Variants in TTC29 observed in about 807,000 individuals in gnomAD.
TTC29 encodes tetratricopeptide repeat domain 29.
A neutral mutation model predicts 58.1 loss-of-function variants in TTC29; 49 were observed. The ratio of observed to expected loss-of-function variants is 0.84; its 90% CI spans 0.67 to 1.07. TTC29 has a LOEUF of 1.07. Among genes scored for constraint, TTC29 ranks in the 50% least tolerant of loss-of-function variants. The pLI is 0.00. For missense variants in TTC29, 582 were observed against 555.6 expected (o/e 1.05, Z -0.48); for synonymous variants, 209 against 196.8 (o/e 1.06, Z -0.52).
chr4:146,749,017 T>C (rs1335111022), intron 11 of TTC29, among the ~76,000 whole-genome samples: 1 of 152,166 alleles, frequency 6.6e-6, no homozygotes, highest in East Asian at 1.9e-4. Context: ...GAATGTGAAA[T>C]TCAACAGAGA....
At chr4:146,729,943 G>A (rs542919124) in intron 11 of TTC29, among the ~76,000 whole-genome samples, 3 of 151,990 alleles carry the variant, frequency 2.0e-5, no homozygotes, top group Non-Finnish European at 4.4e-5. Context: ...TGAGATTTGG[G>A]TGGGGACACA....
intron 11 of TTC29, among the ~76,000 whole-genome samples, chr4:146,739,245 T>A (rs1744941163): frequency 6.6e-6 from 1 of 152,188 alleles, no homozygotes; most frequent in Non-Finnish European, 1.5e-5. Context: ...GTAGCATGAA[T>A]TGAATGCTAT....
At chr4:146,777,087 C>T (rs1443910665) in intron 11 of TTC29, among the ~76,000 whole-genome samples, 1 of 152,178 alleles carries the variant, frequency 6.6e-6, no homozygotes, top group Non-Finnish European at 1.5e-5. Context: ...GATGAGTGCT[C>T]TTGCACACAG....
chr4:146,811,714 C>T (rs900555558), intron 10 of TTC29, among the ~76,000 whole-genome samples: 19 of 152,190 alleles, frequency 1.2e-4, no homozygotes, highest in Non-Finnish European at 4.4e-5. Flanking sequence ...ATCTTCAACT[C>T]TGCATACCTC....
intron 9 of TTC29, 43 bp from the exon 10 acceptor site, chr4:146,820,291 T>C: frequency 6.3e-7 from 1 of 1,588,792 alleles, no homozygotes; most frequent in Non-Finnish European, 8.6e-7. Flanking sequence ...ATCATCTCAC[T>C]TAATGTCACA....
intron 8 of TTC29, among the ~76,000 whole-genome samples, chr4:146,860,894 C>T (rs1013718551): frequency 3.3e-5 from 5 of 152,084 alleles, no homozygotes; most frequent in Admixed American, 2.6e-4. Context: ...TAAACTGTTA[C>T]AAAGATGCTA....
intron 4 of TTC29, among the ~76,000 whole-genome samples, chr4:146,935,280 T>C (rs1025613737): frequency 6.6e-6 from 1 of 152,108 alleles, no homozygotes; most frequent in African/African-American, 2.4e-5. Context: ...AGAGGTTATT[T>C]TGAAACTAGA....
chr4:146,709,178 C>T (rs1742304270), intron 11 of TTC29, among the ~76,000 whole-genome samples: 1 of 152,102 alleles, frequency 6.6e-6, no homozygotes, highest in Non-Finnish European at 1.5e-5. Flanking sequence ...CCTTGACCTC[C>T]TGTTCTTTTA....
chr4:146,790,524 AT>A (rs201865801), intron 11 of TTC29, among the ~76,000 whole-genome samples: 189 of 145,646 alleles, frequency 1.3e-3, no homozygotes, highest in Middle Eastern at 7.0e-3. Flanking sequence ...TACCTGCTTT[AT>A]TTTTTTTTTT....
intron 10 of TTC29, among the ~76,000 whole-genome samples, chr4:146,817,715 G>T (rs1272397649): frequency 2.0e-5 from 3 of 152,168 alleles, no homozygotes; most frequent in Non-Finnish European, 4.4e-5. Context: ...AAACAGCATG[G>T]TACTTGTACC....
intron 7 of TTC29, among the ~76,000 whole-genome samples, chr4:146,873,133 T>C (rs1036929407): frequency 4.6e-5 from 7 of 152,028 alleles, no homozygotes; most frequent in African/African-American, 1.7e-4. Flanking sequence ...TGGCCAACGG[T>C]TGGTGTCAGT....
At chr4:146,908,905 G>T in intron 5 of TTC29, 121 bp downstream of exon 5, 2 of 830,440 alleles carry the variant, frequency 2.4e-6, no homozygotes, top group Non-Finnish European at 3.8e-6. Flanking sequence ...TAATTGACTG[G>T]GTTGAAGTGT....
Position 146,707,496 on chromosome 4 carries a change from T to C in TTC29, c.1386A>G (p.Glu462=). ...TTGATTTATCATACCTACTGAGTTC[T>C]TCCAAACGTTCTGAGTTTTGAGATA... ...EAVSQNSERL[E]ELSRFPGDQK... is the part of the protein sequence containing the mutation. Residue 462 remains glutamate, a synonymous_variant, in exon 12 of 13, where the codon GAA becomes GAG. Transcript: ENST00000325106. The C allele has an allele frequency of 6.2e-7, 1 of 1,610,434 alleles. No homozygotes were observed. Among genetic ancestry groups the C allele is most frequent in the Non-Finnish European group, 8.5e-7 (1 of 1,178,406 alleles).
intron 11 of TTC29, among the ~76,000 whole-genome samples, chr4:146,783,921 A>T (rs1049300393): frequency 6.6e-6 from 1 of 151,874 alleles, no homozygotes; most frequent in South Asian, 2.1e-4. Flanking sequence ...ATTAACCAGG[A>T]CTCTACTCTC....
intron 7 of TTC29, 78 bp from the exon 8 acceptor site, chr4:146,867,661 G>T (rs1177225170): frequency 1.5e-6 from 1 of 663,402 alleles, no homozygotes; most frequent in East Asian, 3.2e-5. Context: ...TGCTTTTCAA[G>T]ACAGTAGAAA....
chr4:146,798,234 G>C (rs990327331), intron 11 of TTC29, among the ~76,000 whole-genome samples: 2 of 152,038 alleles, frequency 1.3e-5, no homozygotes, highest in Admixed American at 6.6e-5. Context: ...GAGGAGAAAA[G>C]CAGGAATATT....
At chr4:146,836,343 T>C (rs1041552137) in intron 8 of TTC29, among the ~76,000 whole-genome samples, 2 of 152,084 alleles carry the variant, frequency 1.3e-5, no homozygotes, top group Non-Finnish European at 2.9e-5. Flanking sequence ...AGGACGAGTA[T>C]AGTTCATTAT....
At chr4:146,913,470 C>T (rs1293526714) in intron 4 of TTC29, among the ~76,000 whole-genome samples, 1 of 151,934 alleles carries the variant, frequency 6.6e-6, no homozygotes, top group East Asian at 1.9e-4. Flanking sequence ...ACCAATCCCA[C>T]GTTGTGTGTA....
At chr4:146,744,396 T>G (rs1327210199) in intron 11 of TTC29, among the ~76,000 whole-genome samples, 5 of 149,902 alleles carry the variant, frequency 3.3e-5, no homozygotes, top group Admixed American at 3.3e-4. Flanking sequence ...AGGAGGAGGA[T>G]GAGGAAAGAA....
Sources: gnomAD v4.1 joint callset for allele counts (sites outside exome capture counted in the v4.1 genomes callset) on GRCh38, gnomAD v4.1.1 for gene constraint, MANE v1.5 for transcripts, NCBI Gene and HGNC (gene_info 2026-07-23, HGNC 2026-07-21) for gene names.